The following NXPE4 variants were observed in gnomAD, a reference collection of about 807,000 sequenced individuals.
The protein encoded by NXPE4 is NXPE family member 4.
A neutral mutation model predicts 33.3 loss-of-function variants in NXPE4; 42 were observed. The observed-to-expected ratio is 1.26, with a 90% confidence interval of 0.98 to 1.63. The LOEUF is 1.63. Ranked by LOEUF, NXPE4 falls within the 40% of genes most tolerant of loss-of-function variation. The pLI, the probability that NXPE4 is intolerant of heterozygous loss-of-function variation, is 0.00. For synonymous variants in NXPE4, 253 were observed against 234.9 expected (o/e 1.08, Z -0.71); for missense variants, 709 against 647.6 (o/e 1.09, Z -1.03).
chr11:114,620,364 A>C, the NXPE4 span, among the ~76,000 whole-genome samples: 4 of 151,232 alleles, frequency 2.6e-5, no homozygotes, highest in African/African-American at 9.7e-5. Context: ...TTACCGGTGG[A>C]AAATAAGTGT....
chr11:114,628,689 A>C, the NXPE4 span, among the ~76,000 whole-genome samples: 13 of 23,276 alleles, frequency 5.6e-4, no homozygotes, highest in Admixed American at 5.8e-4. Context: ...ACTGAAGGAA[A>C]TAGAGACACA....
chr11:114,650,190 A>G, the NXPE4 span, among the ~76,000 whole-genome samples: 1 of 152,212 alleles, frequency 6.6e-6, no homozygotes, highest in African/African-American at 2.4e-5. Flanking sequence ...TTTCAGGGAG[A>G]GATAAAATAC....
the NXPE4 span, among the ~76,000 whole-genome samples, chr11:114,621,415 GATA>G: frequency 1.6e-4 from 25 of 152,168 alleles, no homozygotes; most frequent in African/African-American, 4.3e-4. Flanking sequence ...TTACCCTGTG[GATA>G]ATAAGTATTG....
At chr11:114,585,667 A>G (rs568242181) in intron 2 of NXPE4, among the ~76,000 whole-genome samples, 188 of 152,286 alleles carry the variant, frequency 1.2e-3, no homozygotes, top group African/African-American at 4.2e-3. Context: ...AGGAAATGAA[A>G]CAGGAACTAG....
chr11:114,663,343 A>T, the NXPE4 span, among the ~76,000 whole-genome samples: 1 of 152,094 alleles, frequency 6.6e-6, no homozygotes, highest in Non-Finnish European at 1.5e-5. Flanking sequence ...TAGCCTGCCA[A>T]TGTCTGGATT....
chr11:114,656,942 A>C, the NXPE4 span, among the ~76,000 whole-genome samples: 1 of 152,168 alleles, frequency 6.6e-6, no homozygotes, highest in Middle Eastern at 3.4e-3. Context: ...AATACAAAAA[A>C]AATTAGCCAG....
At chr11:114,637,453 G>A in the NXPE4 span, among the ~76,000 whole-genome samples, 2 of 151,782 alleles carry the variant, frequency 1.3e-5, no homozygotes, top group Non-Finnish European at 2.9e-5. Context: ...GGAGCATTTA[G>A]TCCATTTACA....
chr11:114,652,674 T>C, the NXPE4 span, among the ~76,000 whole-genome samples: 1 of 152,132 alleles, frequency 6.6e-6, no homozygotes, highest in African/African-American at 2.4e-5. Flanking sequence ...TAAGAAGAGG[T>C]AATTGAAGCA....
At chr11:114,640,221 TTA>T in the NXPE4 span, among the ~76,000 whole-genome samples, 4 of 139,344 alleles carry the variant, frequency 2.9e-5, no homozygotes, top group African/African-American at 7.9e-5. Flanking sequence ...AAAATGTAAT[TTA>T]TATATATAAA....
chr11:114,653,554 T>A, the NXPE4 span, among the ~76,000 whole-genome samples: 1 of 108,420 alleles, frequency 9.2e-6, no homozygotes, highest in Non-Finnish European at 2.0e-5. Context: ...TTTTTTTTTT[T>A]AGACAGAGTC....
the NXPE4 span, among the ~76,000 whole-genome samples, chr11:114,606,195 C>G: frequency 6.6e-6 from 1 of 151,516 alleles, no homozygotes; most frequent in Non-Finnish European, 1.5e-5. Flanking sequence ...TCACAGTTAC[C>G]CGGTGGATAA....
the NXPE4 span, among the ~76,000 whole-genome samples, chr11:114,615,780 C>T: frequency 6.6e-6 from 1 of 151,612 alleles, no homozygotes; most frequent in African/African-American, 2.4e-5. Flanking sequence ...CATGGGTAAC[C>T]ACTGTTACCC....
the NXPE4 span, among the ~76,000 whole-genome samples, chr11:114,675,083 T>C: frequency 6.6e-6 from 1 of 151,752 alleles, no homozygotes; most frequent in African/African-American, 2.4e-5. Context: ...GAAAAAGGAT[T>C]TGACAATATT....
rs1365731715 is a variant in NXPE4 at position 114,571,252 on chromosome 11, G to T, written c.1321C>A (p.Pro441Thr). 1.2e-6 allele frequency: 2 copies of T among 1,613,914 alleles called. No individual in the cohort carries two copies. Among genetic ancestry groups the T allele is most frequent in the Non-Finnish European group, 8.5e-7 (1 of 1,179,964 alleles). ...CGGATAAAAACATCAATGGGAAAGG[G>T]TCTGAAATGCTGGCCCAGGGAAATA... Reference protein sequence around the residue: ...IVISLGQHFRPFPIDVFIRRA... With the variant: ...IVISLGQHFRTFPIDVFIRRA... The change falls in exon 6 of 6, where the codon CCC becomes ACC. Residue 441 changes from proline (P) to threonine (T), a missense_variant. By Grantham distance (38) the Pro-to-Thr change is conservative (BLOSUM62 -1). Coordinates refer to ENST00000375478, the MANE Select transcript of NXPE4 (RefSeq NM_001077639.2).
chr11:114,620,781 T>C, the NXPE4 span, among the ~76,000 whole-genome samples: 4 of 151,848 alleles, frequency 2.6e-5, no homozygotes, highest in African/African-American at 9.7e-5. Flanking sequence ...CACTGTTACC[T>C]GGTGGATAAT....
At chr11:114,586,678 C>A (rs544529969) in intron 2 of NXPE4, among the ~76,000 whole-genome samples, 8 of 152,234 alleles carry the variant, frequency 5.3e-5, no homozygotes, top group African/African-American at 1.9e-4. Flanking sequence ...CAGGGAGACA[C>A]CCTGGTGTTA....
intron 2 of NXPE4, among the ~76,000 whole-genome samples, chr11:114,590,599 C>T (rs767764213): frequency 2.4e-4 from 37 of 152,210 alleles, no homozygotes; most frequent in Non-Finnish European, 5.0e-4. Flanking sequence ...TACCAGCCCT[C>T]AGCCCCTCTG....
the NXPE4 span, among the ~76,000 whole-genome samples, chr11:114,629,257 T>C: frequency 6.6e-6 from 1 of 152,060 alleles, no homozygotes; most frequent in Non-Finnish European, 1.5e-5. Flanking sequence ...TGAACATTGA[T>C]GCAAAAATCC....
At chr11:114,613,419 G>C in the NXPE4 span, among the ~76,000 whole-genome samples, 1 of 151,638 alleles carries the variant, frequency 6.6e-6, no homozygotes, top group Non-Finnish European at 1.5e-5. Flanking sequence ...CTGTTACCTG[G>C]TGGATAATAA....
Sources: allele counts gnomAD v4.1 joint callset (sites outside exome capture counted in the v4.1 genomes callset), GRCh38; gene constraint gnomAD v4.1.1; transcripts MANE v1.5; gene names NCBI Gene and HGNC (gene_info 2026-07-23, HGNC 2026-07-21).